Variants in ASTN2 observed in about 807,000 individuals in gnomAD.
ASTN2 encodes the protein astrotactin 2, also known as astrotactin-2.
ASTN2 carries 54 observed loss-of-function variants against 139.8 expected under a neutral mutation model. The observed-to-expected ratio is 0.39, with a 90% CI of 0.31 to 0.48. ASTN2 has a LOEUF of 0.48. Among genes scored for constraint, ASTN2 ranks in the 20% least tolerant of loss-of-function variants. The probability of loss-of-function intolerance (pLI) is 0.95; values close to 1 mark genes in which losing one functional copy is unlikely to be tolerated. For synonymous variants in ASTN2, 756 were observed against 719.5 expected (o/e 1.05, Z -0.81); for missense variants, 1,565 against 1,725.1 (o/e 0.91, Z 1.64).
intron 17 of ASTN2, among the ~76,000 whole-genome samples, chr9:116,628,938 G>A (rs1002796882): frequency 6.6e-6 from 1 of 152,144 alleles, no homozygotes; most frequent in African/African-American, 2.4e-5. Context: ...AGGTCACACA[G>A]ATGACGAGCA....
chr9:117,033,461 GC>G (rs1272282740), intron 6 of ASTN2, among the ~76,000 whole-genome samples: 3 of 152,064 alleles, frequency 2.0e-5, no homozygotes, highest in Non-Finnish European at 2.9e-5. Flanking sequence ...TATAAGTACT[GC>G]TATTATCCCC....
intron 7 of ASTN2, among the ~76,000 whole-genome samples, chr9:116,983,983 T>C (rs768603000): frequency 5.3e-5 from 8 of 152,204 alleles, no homozygotes; most frequent in South Asian, 4.1e-4. Flanking sequence ...ATGTGATTGA[T>C]ATGCAGCGTT....
intron 17 of ASTN2, among the ~76,000 whole-genome samples, chr9:116,631,337 T>C (rs1856735500): frequency 6.6e-6 from 1 of 152,188 alleles, no homozygotes; most frequent in South Asian, 2.1e-4. Context: ...AATAAATGCA[T>C]GGATAAAGAA....
intron 10 of ASTN2, among the ~76,000 whole-genome samples, chr9:116,867,517 T>C (rs149931634): frequency 0.054 from 6,902 of 128,656 alleles, 357 homozygotes; most frequent in Middle Eastern, 0.16. Context: ...GCCACTGCAC[T>C]CCAGCCTGGG....
intron 5 of ASTN2, among the ~76,000 whole-genome samples, chr9:117,046,717 A>G (rs887818769): frequency 6.6e-6 from 1 of 152,208 alleles, no homozygotes; most frequent in Non-Finnish European, 1.5e-5. Flanking sequence ...AGTTCATCCA[A>G]TAAATAGCTA....
chr9:116,481,517 G>A (rs1310832343), intron 20 of ASTN2, among the ~76,000 whole-genome samples: 2 of 152,244 alleles, frequency 1.3e-5, no homozygotes, highest in African/African-American at 2.4e-5. Flanking sequence ...GCTAGTAGTG[G>A]TAGGGGATGC....
intron 1 of ASTN2, among the ~76,000 whole-genome samples, chr9:117,341,062 G>T (rs1829049170): frequency 6.6e-6 from 1 of 152,200 alleles, no homozygotes; most frequent in Non-Finnish European, 1.5e-5. Flanking sequence ...AAAGTGAAGA[G>T]ATATACAGGA....
At chr9:117,323,351 A>G (rs1298219428) in intron 1 of ASTN2, among the ~76,000 whole-genome samples, 1 of 127,592 alleles carries the variant, frequency 7.8e-6, no homozygotes, top group African/African-American at 2.8e-5. Context: ...TAACCCCTCA[A>G]AGACTACCAC....
In ASTN2 at chr9:117,231,324, C is replaced by G. The variant is rs917092218; in HGVS notation, c.631-16582G>C. Among the ~76,000 whole-genome samples the G allele has an allele frequency of 3.9e-5, 6 of 152,216 alleles. No individual in the cohort carries two copies. In the East Asian group the frequency reaches 1.2e-3, roughly 29 times the overall value. On this transcript the variant is annotated intron_variant, in intron 2 of 22. Transcript: ENST00000313400. ...TCTTTGGCATATATTTGCCTACATA[C>G]CTGCCATCCCTGACTAGTCCTTCTT... is the stretch of plus-strand genomic sequence containing the variant.
chr9:116,565,388 C>CATATATATAT (rs1164878126), intron 19 of ASTN2, among the ~76,000 whole-genome samples: 8 of 34,010 alleles, frequency 2.4e-4, no homozygotes, highest in Non-Finnish European at 2.9e-4. Flanking sequence ...TCTCTCTCTC[C>CATATATATAT]ATATATATAT....
chr9:117,250,533 A>T (rs1419568701), intron 2 of ASTN2, among the ~76,000 whole-genome samples: 3 of 152,180 alleles, frequency 2.0e-5, no homozygotes, highest in Non-Finnish European at 4.4e-5. Context: ...CCATTATTTG[A>T]TCTTGCCTTC....
In ASTN2 at chr9:116,446,379, T is replaced by A. The variant is rs577508684; in HGVS notation, c.3498-3826A>T. 4.8e-4 allele frequency among the ~76,000 whole-genome samples: 73 copies of A among 152,190 alleles called. 1 individual carries two copies. The highest frequency in any genetic ancestry group is 1.8e-3 in the African/African-American group (73 of 41,512). ...CTCTCTCTGCTTAGTTCTGTCATCATCTCTCTGAAGCAGGCTGAGGTTCAC... is the reference window on the plus strand; with the variant it reads ...CTCTCTCTGCTTAGTTCTGTCATCAACTCTCTGAAGCAGGCTGAGGTTCAC... On this transcript the variant is annotated intron_variant, in intron 20 of 22. Transcript: ENST00000313400.
At chr9:116,676,827 C>T (rs1859534691) in intron 16 of ASTN2, among the ~76,000 whole-genome samples, 1 of 152,174 alleles carries the variant, frequency 6.6e-6, no homozygotes, top group African/African-American at 2.4e-5. Flanking sequence ...TGTAGCATTG[C>T]CATTTACTGA....
intron 7 of ASTN2, among the ~76,000 whole-genome samples, chr9:116,989,294 A>T (rs1836776355): frequency 6.6e-6 from 1 of 152,150 alleles, no homozygotes; most frequent in African/African-American, 2.4e-5. Flanking sequence ...CAGTCTAGAG[A>T]TCCAGAAGGG....
chr9:116,548,619 C>T (rs1328399087), intron 19 of ASTN2, among the ~76,000 whole-genome samples: 2 of 151,998 alleles, frequency 1.3e-5, no homozygotes, highest in Non-Finnish European at 2.9e-5. Flanking sequence ...ATTACAGGTG[C>T]CCCCCACTAT....
chr9:116,848,310 G>A (rs565279361), intron 11 of ASTN2, among the ~76,000 whole-genome samples: 2 of 152,156 alleles, frequency 1.3e-5, no homozygotes, highest in Non-Finnish European at 2.9e-5. Flanking sequence ...GCACAGAGCC[G>A]AGGGAATTTT....
chr9:116,565,378 TCTCTCTCTCC>T lies in ASTN2; in HGVS notation c.3355+52936_3355+52945del, dbSNP rs1440126764. Among the ~76,000 whole-genome samples the T allele has an allele frequency of 9.3e-4, 29 of 31,056 alleles. No individual in the cohort carries two copies. The South Asian group carries it at 0.011, about 12-fold the overall frequency. 20.4% of individuals were successfully genotyped at this position (31,056 alleles called of 152,430 possible). A position where few individuals can be genotyped will look rare whatever the true frequency, so the allele number is the denominator to read the frequency against. On this transcript the variant is annotated intron_variant, in intron 19 of 22. Coordinates refer to ENST00000313400, the MANE Select transcript of ASTN2 (RefSeq NM_001365068.1). ...CTCTCTCTCTCTCTCTCTCTCTCTC[TCTCTCTCTCC>T]ATATATATATATATATATATATATA... is the stretch of plus-strand genomic sequence containing the variant.
intron 20 of ASTN2, among the ~76,000 whole-genome samples, chr9:116,447,782 T>A (rs7024778): frequency 0.87 from 132,929 of 152,218 alleles, 58,833 homozygotes; most frequent in East Asian, 0.96. Flanking sequence ...ATAACCAATA[T>A]GCAATCAATC....
chr9:117,127,916 G>A (rs1159547541), intron 4 of ASTN2, among the ~76,000 whole-genome samples: 2 of 151,952 alleles, frequency 1.3e-5, no homozygotes, highest in East Asian at 1.9e-4. Context: ...TCCTGACCTC[G>A]TGATCCACCC....
Sources: gnomAD v4.1 joint callset for allele counts (sites outside exome capture counted in the v4.1 genomes callset) on GRCh38, gnomAD v4.1.1 for gene constraint, MANE v1.5 for transcripts, NCBI Gene and HGNC (gene_info 2026-07-23, HGNC 2026-07-21) for gene names.